LGSN: variants seen among roughly 807,000 people sequenced by gnomAD.
LGSN encodes the protein lengsin.
Under a neutral mutation model 19.5 loss-of-function variants are expected in LGSN, and 21 were observed. The ratio of observed to expected loss-of-function variants is 1.07; its 90% CI spans 0.76 to 1.55. LGSN has a LOEUF of 1.55. Ranked by LOEUF, LGSN falls within the 40% of genes most tolerant of loss-of-function variation. The pLI is 0.00. For missense variants in LGSN, 673 were observed against 608.5 expected (o/e 1.11, Z -1.12); for synonymous variants, 257 against 215.6 (o/e 1.19, Z -1.68).
chr6:63,294,440 C>T (rs940199272), intron 2 of LGSN, among the ~76,000 whole-genome samples: 7 of 152,078 alleles, frequency 4.6e-5, no homozygotes, highest in African/African-American at 1.4e-4. Flanking sequence ...TACTGTCCTG[C>T]CTTAGGACAC....
the LGSN span, among the ~76,000 whole-genome samples, chr6:63,391,465 C>G: frequency 6.6e-6 from 1 of 152,218 alleles, no homozygotes; most frequent in Non-Finnish European, 1.5e-5. Flanking sequence ...GACAAGGATT[C>G]CCAACTTGTA....
At chr6:63,491,752 C>A in the LGSN span, among the ~76,000 whole-genome samples, 1 of 152,142 alleles carries the variant, frequency 6.6e-6, no homozygotes, top group African/African-American at 2.4e-5. Flanking sequence ...CATATGTGGC[C>A]GGGCGCGGTG....
chr6:63,433,670 C>T, the LGSN span, among the ~76,000 whole-genome samples: 16,915 of 152,202 alleles, frequency 0.11, 1,953 homozygotes, highest in African/African-American at 0.29. Context: ...TACACACAGA[C>T]ATTTAAGGCT....
chr6:63,452,464 T>C, the LGSN span, among the ~76,000 whole-genome samples: 1 of 152,198 alleles, frequency 6.6e-6, no homozygotes. Context: ...TTATGGATTT[T>C]ATTAGGCTAT....
intron 2 of LGSN, among the ~76,000 whole-genome samples, chr6:63,288,722 C>T (rs945638546): frequency 6.6e-5 from 10 of 152,192 alleles, no homozygotes; most frequent in African/African-American, 2.4e-4. Flanking sequence ...TTCTTCTAAA[C>T]TCTCTCTCCC....
chr6:63,393,505 G>A, the LGSN span, among the ~76,000 whole-genome samples: 2,461 of 152,254 alleles, frequency 0.016, 69 homozygotes, highest in African/African-American at 0.056. Flanking sequence ...GTACAGTAAG[G>A]AGCAGACAAG....
intron 3 of LGSN, among the ~76,000 whole-genome samples, chr6:63,285,083 T>C (rs1324395196): frequency 2.0e-5 from 3 of 152,194 alleles, no homozygotes; most frequent in African/African-American, 7.2e-5. Context: ...CTTGATATCA[T>C]CATTTTTGGG....
At chr6:63,482,567 A>G in the LGSN span, among the ~76,000 whole-genome samples, 2 of 152,182 alleles carry the variant, frequency 1.3e-5, no homozygotes, top group Admixed American at 1.3e-4. Flanking sequence ...CATCTCTACT[A>G]AAAATACAAA....
the LGSN span, among the ~76,000 whole-genome samples, chr6:63,325,410 C>CATT: frequency 3.0e-3 from 449 of 152,148 alleles, 3 homozygotes; most frequent in African/African-American, 0.01. Flanking sequence ...GAAAAGGAGA[C>CATT]ATAACTGATA....
chr6:63,329,003 C>T, the LGSN span, among the ~76,000 whole-genome samples: 6 of 152,196 alleles, frequency 3.9e-5, no homozygotes, highest in Admixed American at 2.0e-4. Context: ...TAAGATTAGA[C>T]CTAGATATTT....
the LGSN span, among the ~76,000 whole-genome samples, chr6:63,334,814 ACGGCCAGCTGATC>A: frequency 6.6e-6 from 1 of 152,076 alleles, no homozygotes; most frequent in Non-Finnish European, 1.5e-5. Context: ...TGCATACTTA[ACGGCCAGCTGATC>A]TTCAACAAAG....
At chr6:63,569,393 A>AT in the LGSN span, among the ~76,000 whole-genome samples, 3 of 152,022 alleles carry the variant, frequency 2.0e-5, no homozygotes, top group Non-Finnish European at 4.4e-5. Flanking sequence ...AGTAACTGGG[A>AT]TTAGAGGTGC....
At chr6:63,339,390 G>C in the LGSN span, among the ~76,000 whole-genome samples, 1 of 152,104 alleles carries the variant, frequency 6.6e-6, no homozygotes, top group African/African-American at 2.4e-5. Context: ...ATTGATATAT[G>C]CTCTTGCTGA....
chr6:63,489,523 C>G, the LGSN span, among the ~76,000 whole-genome samples: 206 of 152,196 alleles, frequency 1.4e-3, no homozygotes, highest in Non-Finnish European at 1.9e-3. Context: ...TGTGCACCAC[C>G]ACTACCTGGC....
upstream of LGSN, among the ~76,000 whole-genome samples, chr6:63,322,839 G>A (rs1207482240): frequency 2.0e-5 from 3 of 152,162 alleles, no homozygotes; most frequent in African/African-American, 7.2e-5. Flanking sequence ...ATTCAGGGCT[G>A]AGCGGAAACA....
the LGSN span, among the ~76,000 whole-genome samples, chr6:63,362,072 A>G: frequency 6.6e-6 from 1 of 152,206 alleles, no homozygotes; most frequent in Non-Finnish European, 1.5e-5. Flanking sequence ...CTTCAGAGGC[A>G]GTAACATGCA....
chr6:63,394,513 GC>G, the LGSN span, among the ~76,000 whole-genome samples: 1 of 152,172 alleles, frequency 6.6e-6, no homozygotes, highest in South Asian at 2.1e-4. Flanking sequence ...CAGGGGTATT[GC>G]CCATCCCTTT....
intron 2 of LGSN, 104 bp from the exon 3 acceptor site, chr6:63,285,857 T>TTA (rs1175690324): frequency 1.2e-6 from 1 of 823,588 alleles, no homozygotes; most frequent in African/African-American, 1.7e-5. Context: ...AACAAAAACA[T>TTA]TATATATTCA....
chr6:63,357,546 T>C, the LGSN span, among the ~76,000 whole-genome samples: 1 of 152,218 alleles, frequency 6.6e-6, no homozygotes, highest in Non-Finnish European at 1.5e-5. Flanking sequence ...AGATGGTATC[T>C]CATTGTGGTT....
Sources: gnomAD v4.1 joint callset for allele counts (sites outside exome capture counted in the v4.1 genomes callset) on GRCh38, gnomAD v4.1.1 for gene constraint, MANE v1.5 for transcripts, NCBI Gene and HGNC (gene_info 2026-07-23, HGNC 2026-07-21) for gene names.